Variants in PARD6G observed in about 807,000 individuals in gnomAD.
The protein encoded by PARD6G is par-6 family cell polarity regulator gamma, also known as partitioning defective 6 homolog gamma.
PARD6G carries 7 observed loss-of-function variants against 10.7 expected under a neutral mutation model. That is an observed-to-expected ratio of 0.66 (90% CI 0.37 to 1.23). PARD6G has a LOEUF of 1.23. Ranked by LOEUF, PARD6G falls within the 50% of genes most tolerant of loss-of-function variation. PARD6G has a pLI of 0.02. For missense variants in PARD6G, 548 were observed against 571.8 expected (o/e 0.96, Z 0.42); for synonymous variants, 287 against 269.4 (o/e 1.07, Z -0.64).
chr18:80,223,123 A>ATTGGAT (rs1967250842), intron 1 of PARD6G, among the ~76,000 whole-genome samples: 1 of 152,252 alleles, frequency 6.6e-6, no homozygotes, highest in African/African-American at 2.4e-5. Flanking sequence ...AGTAACTCAA[A>ATTGGAT]TTGGATTACA....
rs1031479907 is a variant in PARD6G, at chr18:80,159,540, C to T, written c.*231G>A. ...CTATCACTTTGCAAAGGCGCCAAGACCTGCACTCAGGCCTGGTATAGAGTG... is the reference window on the plus strand; with the variant it reads ...CTATCACTTTGCAAAGGCGCCAAGATCTGCACTCAGGCCTGGTATAGAGTG... On this transcript the variant is annotated 3_prime_UTR_variant, in exon 3 of 3. Transcript: ENST00000353265. 1.9e-6 allele frequency: 1 copy of T among 539,780 alleles called. No homozygotes were observed. Among genetic ancestry groups the T allele is most frequent in the Non-Finnish European group, 2.8e-6 (1 of 359,526 alleles). The allele number at this position is 539,780 out of a possible 1,614,324, so 33.4% of individuals were successfully genotyped here.
Position 80,159,751 on chromosome 18 carries a change from T to G in PARD6G, c.*20A>C, listed in dbSNP as rs1007109937. On this transcript the variant is annotated 3_prime_UTR_variant, in exon 3 of 3. Transcript: ENST00000353265. The stretch of plus-strand genomic sequence containing the variant: ...CCTTACCGGGGAACTGGAGCTAGGA[T>G]TTGGGGGCCTCTCGGGAGTCTAGAG... The G allele has an allele frequency of 5.1e-6, 7 of 1,383,834 alleles. No individual in the cohort carries two copies. The African/African-American group carries it at 6.1e-5, about 12-fold the overall frequency. The allele number at this position is 1,383,834 out of a possible 1,614,324, so 85.7% of individuals were successfully genotyped here. A position where few individuals can be genotyped will look rare whatever the true frequency, so the allele number is the denominator to read the frequency against.
chr18:80,211,336 T>C (rs945397113), intron 1 of PARD6G, among the ~76,000 whole-genome samples: 1 of 152,188 alleles, frequency 6.6e-6, no homozygotes, highest in Non-Finnish European at 1.5e-5. Context: ...CAAACAGGAA[T>C]TGGACAAACA....
At chr18:80,195,549 A>G (rs1966944202) in intron 2 of PARD6G, among the ~76,000 whole-genome samples, 1 of 48,794 alleles carries the variant, frequency 2.0e-5, no homozygotes, top group South Asian at 7.5e-4. Context: ...TCAAAGATAC[A>G]TATATATATA....
rs1356744774 is a variant in PARD6G at position 80,160,024 on chromosome 18, G to A, written c.878C>T (p.Ala293Val). The A allele has an allele frequency of 1.6e-5, 24 of 1,534,570 alleles. No homozygotes were observed. The highest frequency in any genetic ancestry group is 1.8e-5 in the Non-Finnish European group (21 of 1,147,170). ...RVLQNFHPDE[A>V]ESDEDNDVVI... is the part of the protein sequence containing the mutation. ...GACGTCGTTGTCCTCATCGCTCTCCGCCTCGTCGGGGTGGAAGTTCTGCAG... is the reference window on the plus strand; with the variant it reads ...GACGTCGTTGTCCTCATCGCTCTCCACCTCGTCGGGGTGGAAGTTCTGCAG... Residue 293 changes from alanine to valine, a missense_variant, in exon 3 of 3, where the codon GCG becomes GTG. Around this residue, in one of 2 missense-constraint regions of PARD6G, gnomAD observed 313 missense variants for 279.9 expected, o/e 1.12. Transcript: ENST00000353265.
At chr18:80,163,292 G>T (rs540436737) in intron 2 of PARD6G, among the ~76,000 whole-genome samples, 1 of 152,298 alleles carries the variant, frequency 6.6e-6, no homozygotes, top group East Asian at 1.9e-4. Context: ...GGTGAGGCCT[G>T]AGATGCTGAG....
At chr18:80,176,727 A>G (rs2145257458) in intron 2 of PARD6G, among the ~76,000 whole-genome samples, 1 of 152,300 alleles carries the variant, frequency 6.6e-6, no homozygotes, top group Non-Finnish European at 1.5e-5. Flanking sequence ...GAGAAGGCCG[A>G]GCTCCCGACA....
At chr18:80,178,374 C>T (rs945508841) in intron 2 of PARD6G, 5 of 152,684 alleles carry the variant, frequency 3.3e-5, no homozygotes, top group African/African-American at 7.2e-5. Context: ...AACCCCACTC[C>T]TTCACCACCG....
chr18:80,186,659 CA>C, intron 2 of PARD6G, among the ~76,000 whole-genome samples: 1 of 152,072 alleles, frequency 6.6e-6, no homozygotes, highest in East Asian at 2.0e-4. Context: ...CTGAGGGCTA[CA>C]TATAATCACA....
chr18:80,232,044 T>C (rs1323378052), intron 1 of PARD6G, among the ~76,000 whole-genome samples: 4 of 152,210 alleles, frequency 2.6e-5, no homozygotes, highest in East Asian at 1.9e-4. Flanking sequence ...TGCTGGCAGG[T>C]AGCTGTTTTT....
At chr18:80,226,903 A>G (rs1599873704) in intron 1 of PARD6G, among the ~76,000 whole-genome samples, 2 of 152,304 alleles carry the variant, frequency 1.3e-5, no homozygotes, top group South Asian at 2.1e-4. Context: ...ACTGACTACA[A>G]TCACATAGCA....
chr18:80,180,915 C>T lies in PARD6G; in HGVS notation c.296-20309G>A, dbSNP rs1475611162. ...ATCTAGACAGCAGAGGCCGGGGCAC[C>T]GATAGCTCTCCACATGCAGATGCCC... On this transcript the variant is annotated intron_variant, in intron 2 of 2. Transcript: ENST00000353265. This position sits in a 1 kb window ranked among gnomAD's most constrained non-coding sequence, Gnocchi z 5.6. 2.6e-5 allele frequency among the ~76,000 whole-genome samples: 4 copies of T among 152,158 alleles called. No individual in the cohort carries two copies. Among genetic ancestry groups the T allele is most frequent in the African/African-American group, 9.7e-5 (4 of 41,436 alleles).
In PARD6G at chr18:80,157,793, C is replaced by T. The variant is rs1312585688; in HGVS notation, c.*1978G>A. ...AACACAGGTGCAGGAATTCACAACTCCTCAGCAAAAGCTATTTCTTAAAAA... is the reference window on the plus strand; with the variant it reads ...AACACAGGTGCAGGAATTCACAACTTCTCAGCAAAAGCTATTTCTTAAAAA... On this transcript the variant is annotated 3_prime_UTR_variant, in exon 3 of 3. Transcript: ENST00000353265. 3 of 152,180 alleles carry T rather than the reference C, an allele frequency of 2.0e-5. No homozygotes were observed. The allele number at this position is 152,180 out of a possible 1,614,324, so 9.4% of individuals were successfully genotyped here. A position where few individuals can be genotyped will look rare whatever the true frequency, so the allele number is the denominator to read the frequency against.
chr18:80,163,719 C>A (rs935996001), intron 2 of PARD6G, among the ~76,000 whole-genome samples: 1 of 152,200 alleles, frequency 6.6e-6, no homozygotes, highest in Non-Finnish European at 1.5e-5. Flanking sequence ...CGGGCCGGGC[C>A]CCTCCTCGTA....
rs1175751775 is a variant in PARD6G at position 80,231,311 on chromosome 18, T to G, written c.72+15966A>C. On this transcript the variant is annotated intron_variant, in intron 1 of 2. Transcript: ENST00000353265. This position sits in a 1 kb window ranked among gnomAD's most constrained non-coding sequence, Gnocchi z 4.2. ...ATCTGTCCCTGCCTTCATAAGACTTTCCTGAAAGGTAAATTCACTTAGGCA... is the reference window on the plus strand; with the variant it reads ...ATCTGTCCCTGCCTTCATAAGACTTGCCTGAAAGGTAAATTCACTTAGGCA... Among the ~76,000 whole-genome samples, 1 of 152,196 alleles carries G rather than the reference T, an allele frequency of 6.6e-6. No individual in the cohort carries two copies. The highest frequency in any genetic ancestry group is 6.5e-5 in the Admixed American group (1 of 15,282).
rs1218482208 is a variant in PARD6G at position 80,201,951 on chromosome 18, A to G, written c.295+759T>C. 2.0e-5 allele frequency: 3 copies of G among 152,412 alleles called. No individual in the cohort carries two copies. Among genetic ancestry groups the G allele is most frequent in the Admixed American group, 6.5e-5 (1 of 15,300 alleles). 9.4% of individuals were successfully genotyped at this position (152,412 alleles called of 1,614,324 possible). On this transcript the variant is annotated intron_variant, in intron 2 of 2. Transcript: ENST00000353265. This position sits in a 1 kb window ranked among gnomAD's most constrained non-coding sequence, Gnocchi z 5.9. ...AGATCCATGAGGGCAGACAGGGCAC[A>G]CTGCAACCTCACCTTGCAACTGTCA... is the stretch of plus-strand genomic sequence containing the variant.
At position 80,243,996 on chromosome 18, in the gene PARD6G, G is replaced by A. The variant is rs144330111; in HGVS notation, c.72+3281C>T. On this transcript the variant is annotated intron_variant, in intron 1 of 2. Transcript: ENST00000353265. ...TCATGCGGACGACAGTGGAATTGAC[G>A]CAATACTGACGTAGGTAAAGGCGTT... Among the ~76,000 whole-genome samples the A allele has an allele frequency of 1.5e-3, 232 of 152,238 alleles. 1 individual carries two copies. The highest frequency in any genetic ancestry group is 5.3e-3 in the African/African-American group (219 of 41,520).
rs1051992809 is a variant in PARD6G, at chr18:80,180,581, C to T, written c.296-19975G>A. Among the ~76,000 whole-genome samples the T allele has an allele frequency of 2.0e-5, 3 of 152,150 alleles. No homozygotes were observed. Among genetic ancestry groups the T allele is most frequent in the Admixed American group, 6.5e-5 (1 of 15,278 alleles). On this transcript the variant is annotated intron_variant, in intron 2 of 2. Transcript: ENST00000353265. This position sits in a 1 kb window ranked among gnomAD's most constrained non-coding sequence, Gnocchi z 5.6. ...CTGGGTGTTTTCAGAACGGCAATCA[C>T]ATTCTCAAGCTTAACTGTCTCTATG...
intron 2 of PARD6G, among the ~76,000 whole-genome samples, chr18:80,194,417 G>A (rs989227753): frequency 3.3e-5 from 5 of 152,170 alleles, no homozygotes; most frequent in African/African-American, 1.2e-4. Context: ...TGAAGCCTCA[G>A]TGTCATCATG....
Sources: allele counts gnomAD v4.1 joint callset (sites outside exome capture counted in the v4.1 genomes callset), GRCh38; gene constraint gnomAD v4.1.1; regional missense constraint gnomAD v4.1.1; non-coding constraint Gnocchi (gnomAD v3.1); transcripts MANE v1.5; gene names NCBI Gene and HGNC (gene_info 2026-07-23, HGNC 2026-07-21).